Variants in OPTN observed in about 807,000 individuals in gnomAD.
OPTN encodes the protein optineurin.
Under a neutral mutation model 70.4 loss-of-function variants are expected in OPTN, and 54 were observed. The observed-to-expected ratio is 0.77, with a 90% CI of 0.62 to 0.96. The LOEUF (loss-of-function observed/expected upper bound fraction) is 0.96. OPTN is among the 40% of genes least tolerant of loss of function. OPTN has a pLI of 0.00. For missense variants in OPTN, 624 were observed against 673.2 expected (o/e 0.93, Z 0.81); for synonymous variants, 256 against 248.5 (o/e 1.03, Z -0.28).
chr10:13,118,757 CTAGTTGAGAAT>C, intron 6 of OPTN, 120 bp from the exon 7 acceptor site: 1 of 810,494 alleles, frequency 1.2e-6, no homozygotes, highest in Admixed American at 1.9e-5. Context: ...TGCTTGTTCA[CTAGTTGAGAAT>C]TAGTTGGAGA....
At chr10:13,119,468 G>A (rs1294160795) in intron 7 of OPTN, among the ~76,000 whole-genome samples, 3 of 152,158 alleles carry the variant, frequency 2.0e-5, no homozygotes, top group African/African-American at 4.8e-5. Flanking sequence ...ATAAACATTA[G>A]AGTTGTTGCC....
chr10:13,125,299 C>A, intron 9 of OPTN, 119 bp from the exon 10 acceptor site: 1 of 1,061,288 alleles, frequency 9.4e-7, no homozygotes, highest in Non-Finnish European at 1.4e-6. Context: ...TTTCATTTTG[C>A]ATTCATAAAC....
chr10:13,130,872 G>A (rs12415683), intron 12 of OPTN, among the ~76,000 whole-genome samples: 34,154 of 151,972 alleles, frequency 0.22, 4,353 homozygotes, highest in Middle Eastern at 0.39. Flanking sequence ...ACTATTAAGT[G>A]TTTTGTTATT....
At chr10:13,129,026 C>G (rs1564367223) in intron 12 of OPTN, among the ~76,000 whole-genome samples, 1 of 152,096 alleles carries the variant, frequency 6.6e-6, no homozygotes, top group African/African-American at 2.4e-5. Flanking sequence ...GTTTAAGAAA[C>G]TTTTACTACC....
chr10:13,134,807 C>T (rs115752913), intron 14 of OPTN, among the ~76,000 whole-genome samples: 1 of 152,138 alleles, frequency 6.6e-6, no homozygotes, highest in Admixed American at 6.5e-5. Flanking sequence ...GTGACCCACC[C>T]ACCCAGGAGA....
chr10:13,110,959 A>G (rs921842804), intron 4 of OPTN, among the ~76,000 whole-genome samples: 2 of 152,234 alleles, frequency 1.3e-5, no homozygotes, highest in African/African-American at 4.8e-5. Context: ...GTAGGAGGCT[A>G]TCGCATTGCC....
At position 13,127,790 on chromosome 10, in the gene OPTN, CTG is replaced by C. The variant is rs1206423781; in HGVS notation, c.1289_1290del (p.Leu430ArgfsTer16). On this transcript the variant is annotated frameshift_variant, in exon 12 of 15. Transcript: ENST00000378747. LOFTEE classifies it high-confidence loss of function. ...RAVLKELSEKLELAEKALASK... is the reference protein window; with the variant it reads ...RAVLKELSEKXELAEKALASK... ...AGTGCTGAAGGAACTGAGTGAAAAA[CTG>C]GAACTGGCAGAGAAGGCTCTGGCTT... is the stretch of plus-strand genomic sequence containing the variant. 4 of 1,613,968 alleles carry C rather than the reference CTG, an allele frequency of 2.5e-6. No individual in the cohort carries two copies. Among genetic ancestry groups the C allele is most frequent in the Non-Finnish European group, 3.4e-6 (4 of 1,180,010 alleles).
chr10:13,111,910 T>TC (rs1244101319), intron 4 of OPTN, among the ~76,000 whole-genome samples: 12 of 132,356 alleles, frequency 9.1e-5, no homozygotes, highest in African/African-American at 2.0e-4. Flanking sequence ...TACAGTGGCA[T>TC]AATCTCGGCT....
chr10:13,116,221 C>A, intron 5 of OPTN, 46 bp from the exon 6 acceptor site: 1 of 1,229,274 alleles, frequency 8.1e-7, no homozygotes, highest in Non-Finnish European at 1.2e-6. Context: ...AAGAATTTGT[C>A]TTGTAGACAT....
Position 13,122,507 on chromosome 10 carries a change from G to T in OPTN, c.882+20G>T, listed in dbSNP as rs758172702. On this transcript the variant is annotated intron_variant, in intron 8 of 14. Coordinates refer to ENST00000378747, the MANE Select transcript of OPTN (RefSeq NM_001008212.2). ...GAGACTGTGAGTCCTAAGATTCCAC[G>T]GCCACTACCACACCCACACACACGA... is the stretch of plus-strand genomic sequence containing the variant. 4 of 1,500,144 alleles carry T rather than the reference G, an allele frequency of 2.7e-6. No homozygotes were observed. The highest frequency in any genetic ancestry group is 3.7e-6 in the Non-Finnish European group (4 of 1,076,010). The allele number at this position is 1,500,144 out of a possible 1,614,324, so 92.9% of individuals were successfully genotyped here. A position where few individuals can be genotyped will look rare whatever the true frequency, so the allele number is the denominator to read the frequency against.
At chr10:13,122,279 C>G in intron 7 of OPTN, 106 bp from the exon 8 acceptor site, 1 of 786,548 alleles carries the variant, frequency 1.3e-6, no homozygotes, top group Non-Finnish European at 2.2e-6. Context: ...ACCCCTGATC[C>G]TTTATCCCAA....
At position 13,110,348 on chromosome 10, in the gene OPTN, G is replaced by A. The variant is rs1359892832; in HGVS notation, c.241G>A (p.Glu81Lys). The change falls in exon 4 of 15, where the codon GAA becomes AAA. Residue 81 changes from glutamate to lysine, a missense_variant. Transcript: ENST00000378747. The stretch of plus-strand genomic sequence containing the variant: ...TTCGGCCTGGACAGAGAAACAGAAG[G>A]AAGAACGCCAGTTTTTTGAGATACA... The part of the protein sequence containing the change: ...ELSAWTEKQK[E>K]ERQFFEIQSK... 1.9e-6 allele frequency: 3 copies of A among 1,614,164 alleles called. No individual in the cohort carries two copies. In the East Asian group the frequency reaches 6.7e-5, roughly 36 times the overall value.
At position 13,124,195 on chromosome 10, in the gene OPTN, C is replaced by G; in HGVS notation, c.998+85C>G. The stretch of plus-strand genomic sequence containing the variant: ...ACTATATAAAAACATAGTTTTTTAA[C>G]TATGTTATGACTAAAAGAAAAATAG... On this transcript the variant is annotated intron_variant, in intron 9 of 14. Transcript: ENST00000378747. The G allele has an allele frequency of 2.6e-6, 2 of 780,408 alleles. No individual in the cohort carries two copies. Among genetic ancestry groups the G allele is most frequent in the Non-Finnish European group, 4.3e-6 (2 of 468,526 alleles). The allele number at this position is 780,408 out of a possible 1,614,324, so 48.3% of individuals were successfully genotyped here.
rs1484292164 is a variant in OPTN, at chr10:13,105,591, CT to C, written c.-163-2546del. Among the ~76,000 whole-genome samples the C allele has an allele frequency of 2.6e-5, 4 of 152,250 alleles. No homozygotes were observed. The South Asian group carries it at 8.3e-4, about 32-fold the overall frequency. The stretch of plus-strand genomic sequence containing the variant: ...AGTTTTAACTTTATTATGGTGGTAT[CT>C]GTAGGCTTGGTGGAGGCATAAAAGG... On this transcript the variant is annotated intron_variant, in intron 1 of 14. Coordinates refer to ENST00000378747, the MANE Select transcript of OPTN (RefSeq NM_001008212.2).
intron 14 of OPTN, 136 bp from the exon 15 acceptor site, chr10:13,136,609 A>C: frequency 1.0e-6 from 1 of 990,992 alleles, no homozygotes; most frequent in Non-Finnish European, 1.5e-6. Context: ...TTAAAGACCA[A>C]ACACCTGTGC....
intron 4 of OPTN, among the ~76,000 whole-genome samples, chr10:13,111,041 G>A (rs977462273): frequency 2.0e-5 from 3 of 152,220 alleles, no homozygotes; most frequent in Middle Eastern, 3.2e-3. Context: ...ATACCTGGGA[G>A]TGGATGTCAA....
At chr10:13,112,929 A>G (rs1833040802) in intron 5 of OPTN, among the ~76,000 whole-genome samples, 1 of 152,006 alleles carries the variant, frequency 6.6e-6, no homozygotes, top group Non-Finnish European at 1.5e-5. Flanking sequence ...AAAAACCCAC[A>G]CGAACATGAA....
At chr10:13,113,055 T>A (rs1230417644) in intron 5 of OPTN, among the ~76,000 whole-genome samples, 1 of 152,160 alleles carries the variant, frequency 6.6e-6, no homozygotes, top group African/African-American at 2.4e-5. Flanking sequence ...AGAGTCTTAC[T>A]CTGTCTTCCC....
chr10:13,102,574 A>G (rs999978284), intron 1 of OPTN, among the ~76,000 whole-genome samples: 1 of 152,242 alleles, frequency 6.6e-6, no homozygotes, highest in African/African-American at 2.4e-5. Context: ...GTGGAGGTCA[A>G]CATGGCTGTG....
Sources: allele counts gnomAD v4.1 joint callset (sites outside exome capture counted in the v4.1 genomes callset), GRCh38; gene constraint gnomAD v4.1.1; transcripts MANE v1.5; gene names NCBI Gene and HGNC (gene_info 2026-07-23, HGNC 2026-07-21).